Variants in PDE3A observed in about 807,000 individuals in gnomAD.
PDE3A encodes cGMP-inhibited 3',5'-cyclic phosphodiesterase 3A.
Under a neutral mutation model 98.3 loss-of-function variants are expected in PDE3A, and 43 were observed. That is an observed-to-expected ratio of 0.44 (90% confidence interval 0.34 to 0.56). The LOEUF (loss-of-function observed/expected upper bound fraction) is 0.56. Ranked by LOEUF, PDE3A falls within the 20% of genes least tolerant of loss-of-function variation. The probability of loss-of-function intolerance (pLI) is 0.01; values close to 1 mark genes in which losing one functional copy is unlikely to be tolerated. For synonymous variants in PDE3A, 663 were observed against 567.9 expected, an observed-to-expected ratio of 1.17 and a Z score of -2.38; for missense variants, 1,427 against 1,440.7, an observed-to-expected ratio of 0.99 and a Z score of 0.15.
At chr12:20,404,080 A>G (rs1944183774) in intron 1 of PDE3A, among the ~76,000 whole-genome samples, 1 of 152,136 alleles carries the variant, frequency 6.6e-6, no homozygotes, top group Non-Finnish European at 1.5e-5. Flanking sequence ...AGGTTTCTGA[A>G]AAAGAATACT....
At position 20,594,435 on chromosome 12, in the gene PDE3A, G is replaced by A. The variant is rs147789934; in HGVS notation, c.1012-19008G>A. 3.8e-4 allele frequency among the ~76,000 whole-genome samples: 58 copies of A among 151,940 alleles called. 1 individual carries two copies. In the South Asian group the frequency reaches 4.6e-3, roughly 12 times the overall value. ...TATATTTAGAAATTCATATGAAGCCGAATTAAAGTCCTCAATAAAGATTGG... is the reference window on the plus strand; with the variant it reads ...TATATTTAGAAATTCATATGAAGCCAAATTAAAGTCCTCAATAAAGATTGG... On this transcript the variant is annotated intron_variant, in intron 2 of 15. Transcript: ENST00000359062.
At chr12:20,657,533 C>T (rs897510663) in intron 15 of PDE3A, among the ~76,000 whole-genome samples, 84 of 152,202 alleles carry the variant, frequency 5.5e-4, no homozygotes, top group Non-Finnish European at 1.5e-4. Context: ...TTTATCCCAC[C>T]TTATAATTAA....
intron 1 of PDE3A, among the ~76,000 whole-genome samples, chr12:20,556,019 C>A (rs1426032899): frequency 1.3e-5 from 2 of 152,070 alleles, no homozygotes; most frequent in Non-Finnish European, 2.9e-5. Flanking sequence ...GAGTCAATAT[C>A]TTTTATTTCC....
intron 1 of PDE3A, among the ~76,000 whole-genome samples, chr12:20,472,653 G>T (rs868265350): frequency 7.2e-5 from 11 of 152,176 alleles, no homozygotes; most frequent in African/African-American, 2.6e-4. Flanking sequence ...AGTAGCTAGT[G>T]ACTCTGTACA....
At chr12:20,513,698 A>T (rs1390970757) in intron 1 of PDE3A, among the ~76,000 whole-genome samples, 1 of 152,054 alleles carries the variant, frequency 6.6e-6, no homozygotes, top group Non-Finnish European at 1.5e-5. Flanking sequence ...GATTGTGTTG[A>T]TATGTTATAT....
chr12:20,505,463 C>T (rs1382269700), intron 1 of PDE3A, among the ~76,000 whole-genome samples: 3 of 146,494 alleles, frequency 2.0e-5, no homozygotes, highest in African/African-American at 7.6e-5. Context: ...ATATGTGGTA[C>T]ATTTTTAGGT....
chr12:20,388,608 C>T (rs534314645), intron 1 of PDE3A, among the ~76,000 whole-genome samples: 1 of 151,856 alleles, frequency 6.6e-6, no homozygotes, highest in African/African-American at 2.4e-5. Context: ...TCACTGATTA[C>T]CAGGCTAATA....
At chr12:20,375,801 T>A (rs1943560325) in intron 1 of PDE3A, among the ~76,000 whole-genome samples, 1 of 151,952 alleles carries the variant, frequency 6.6e-6, no homozygotes, top group South Asian at 2.1e-4. Flanking sequence ...GTGAAATATC[T>A]TAGATAATGG....
chr12:20,496,522 C>G (rs1945921575), intron 1 of PDE3A, among the ~76,000 whole-genome samples: 1 of 151,924 alleles, frequency 6.6e-6, no homozygotes, highest in South Asian at 2.1e-4. Flanking sequence ...CATCCCACCC[C>G]CCACCGCCAC....
intron 1 of PDE3A, among the ~76,000 whole-genome samples, chr12:20,502,384 C>T (rs530456322): frequency 3.3e-4 from 50 of 152,228 alleles, no homozygotes; most frequent in Middle Eastern, 6.8e-3. Flanking sequence ...TGGAATGAAT[C>T]CCCGCTACCT....
chr12:20,536,898 A>T (rs1359062297), intron 1 of PDE3A, among the ~76,000 whole-genome samples: 1 of 152,122 alleles, frequency 6.6e-6, no homozygotes, highest in African/African-American at 2.4e-5. Context: ...TCTCTGGAAT[A>T]TACATCTAGA....
rs188649334 is a variant in PDE3A at position 20,526,033 on chromosome 12, G to C, written c.961-30627G>C. ...TTGTTTCAAAGTTGGTAAGGCTTTG[G>C]ATACTAATATAAAATTCACCAGTAA... On this transcript the variant is annotated intron_variant, in intron 1 of 15. Coordinates refer to ENST00000359062, the MANE Select transcript of PDE3A (RefSeq NM_000921.5). 5.5e-3 allele frequency among the ~76,000 whole-genome samples: 831 copies of C among 152,230 alleles called. 9 individuals carry two copies. The highest frequency in any genetic ancestry group is 0.019 in the African/African-American group (787 of 41,540).
intron 1 of PDE3A, chr12:20,449,546 G>A (rs921389738): frequency 1.5e-5 from 4 of 260,702 alleles, no homozygotes; most frequent in Middle Eastern, 1.2e-3. Context: ...GGTGGCACGT[G>A]TCAGTTTCCA....
intron 1 of PDE3A, among the ~76,000 whole-genome samples, chr12:20,471,351 A>G (rs1210806541): frequency 6.6e-6 from 1 of 152,168 alleles, no homozygotes; most frequent in African/African-American, 2.4e-5. Context: ...TCCGTGATCA[A>G]TTAAATCCGG....
chr12:20,437,972 A>AT (rs5796858), intron 1 of PDE3A, among the ~76,000 whole-genome samples: 70,468 of 150,212 alleles, frequency 0.47, 18,054 homozygotes, highest in East Asian at 0.66. Flanking sequence ...AAGAAAAAGG[A>AT]TTTTTTTTTT....
intron 2 of PDE3A, among the ~76,000 whole-genome samples, chr12:20,602,266 C>T (rs900401290): frequency 6.6e-6 from 1 of 152,128 alleles, no homozygotes. Context: ...AGAAAACCAG[C>T]GTGCAACTTA....
chr12:20,461,578 A>G (rs575376564), intron 1 of PDE3A, among the ~76,000 whole-genome samples: 2 of 152,326 alleles, frequency 1.3e-5, no homozygotes, highest in East Asian at 1.9e-4. Flanking sequence ...AAACAGAACT[A>G]TAGGCTTATC....
At chr12:20,370,409 G>GTT (rs372135967) in intron 1 of PDE3A, 165 bp downstream of exon 1, 1,455 of 294,996 alleles carry the variant, frequency 4.9e-3, no homozygotes, top group South Asian at 6.1e-3. Context: ...TGTTTTTTTT[G>GTT]TTTTTTTTTT....
At chr12:20,600,750 A>G (rs1219800066) in intron 2 of PDE3A, among the ~76,000 whole-genome samples, 1 of 152,148 alleles carries the variant, frequency 6.6e-6, no homozygotes, top group Non-Finnish European at 1.5e-5. Context: ...GTTAAATAAT[A>G]GTTTTTAATC....
Sources: allele counts gnomAD v4.1 joint callset (sites outside exome capture counted in the v4.1 genomes callset), GRCh38; gene constraint gnomAD v4.1.1; transcripts MANE v1.5; gene names NCBI Gene and HGNC (gene_info 2026-07-23, HGNC 2026-07-21).